The following LY75 variants were observed in gnomAD, a reference collection of about 807,000 sequenced individuals.
The protein encoded by LY75 is C-type lectin domain family 13 member B.
A neutral mutation model predicts 231.7 loss-of-function variants in LY75; 185 were observed. That is an observed-to-expected ratio of 0.80 (90% CI 0.71 to 0.90). LY75 has a LOEUF of 0.90. Ranked by LOEUF, LY75 falls within the 40% of genes least tolerant of loss-of-function variation. The pLI, the probability that LY75 is intolerant of heterozygous loss-of-function variation, is 0.00. For synonymous variants in LY75, 668 were observed against 689.0 expected, an observed-to-expected ratio of 0.97 and a Z score of 0.48; for missense variants, 1,947 against 2,050.2, an observed-to-expected ratio of 0.95 and a Z score of 0.97.
At chr2:159,821,531 G>C (rs890646829) in intron 28 of LY75, among the ~76,000 whole-genome samples, 1 of 150,868 alleles carries the variant, frequency 6.6e-6, no homozygotes, top group Non-Finnish European at 1.5e-5. Context: ...CTGGAGAACT[G>C]CTTGAACCTA....
chr2:159,872,352 AT>A, intron 13 of LY75, 98 bp downstream of exon 13: 40 of 1,468,648 alleles, frequency 2.7e-5, no homozygotes, highest in East Asian at 4.6e-5. Flanking sequence ...AAACATGTCC[AT>A]TTTTTTTCCA....
At position 159,804,819 on chromosome 2, in the gene LY75, C is replaced by G. The variant is rs1682747622; in HGVS notation, c.*225G>C. ...CATATTACTGTACAAACAATTTGGA[C>G]TTCAGTTCCAGCTTTGGAGTCCCCT... On this transcript the variant is annotated 3_prime_UTR_variant, in exon 35 of 35. Transcript: ENST00000263636. The G allele has an allele frequency of 5.4e-6, 2 of 369,474 alleles. No homozygotes were observed. Among genetic ancestry groups the G allele is most frequent in the Non-Finnish European group, 5.0e-6 (1 of 199,380 alleles). 22.9% of individuals were successfully genotyped at this position (369,474 alleles called of 1,614,324 possible).
At chr2:159,841,245 T>A (rs983904343) in intron 24 of LY75, among the ~76,000 whole-genome samples, 4 of 152,200 alleles carry the variant, frequency 2.6e-5, no homozygotes, top group Admixed American at 6.5e-5. Flanking sequence ...GTCATGTCGG[T>A]GCTAAATACC....
chr2:159,850,977 T>G (rs1467582183), intron 21 of LY75, among the ~76,000 whole-genome samples: 1 of 151,314 alleles, frequency 6.6e-6, no homozygotes, highest in African/African-American at 2.4e-5. Context: ...CACAGGGACA[T>G]TAAATAACTT....
chr2:159,875,908 C>T (rs1685253982), intron 11 of LY75, among the ~76,000 whole-genome samples: 1 of 152,136 alleles, frequency 6.6e-6, no homozygotes, highest in African/African-American at 2.4e-5. Flanking sequence ...AATGAAGTGA[C>T]TTGTTCAAGG....
At chr2:159,822,806 C>T (rs979204398) in intron 28 of LY75, among the ~76,000 whole-genome samples, 13 of 152,130 alleles carry the variant, frequency 8.5e-5, no homozygotes, top group African/African-American at 2.9e-4. Flanking sequence ...CTGCAGCCTC[C>T]GTGGGTGATA....
intron 14 of LY75, among the ~76,000 whole-genome samples, chr2:159,863,890 G>A (rs994030988): frequency 2.6e-5 from 4 of 152,102 alleles, no homozygotes; most frequent in Admixed American, 1.3e-4. Context: ...TATCTTTACT[G>A]TACCTTTTCT....
chr2:159,852,427 T>C (rs1684430603), intron 20 of LY75, 87 bp from the exon 21 acceptor site: 2 of 1,526,430 alleles, frequency 1.3e-6, no homozygotes, highest in East Asian at 2.3e-5. Context: ...TTTTTGTTTT[T>C]TTTTTTTTGA....
intron 11 of LY75, among the ~76,000 whole-genome samples, chr2:159,876,544 C>T (rs143833813): frequency 1.0e-3 from 157 of 152,190 alleles, no homozygotes; most frequent in African/African-American, 3.5e-3. Context: ...ACGGTGTGCC[C>T]ATGATAGACC....
Position 159,878,620 on chromosome 2 carries a change from C to G in LY75, c.1604+13G>C. The G allele has an allele frequency of 6.2e-7, 1 of 1,613,940 alleles. No individual in the cohort carries two copies. Among genetic ancestry groups the G allele is most frequent in the Non-Finnish European group, 8.5e-7 (1 of 1,179,930 alleles). ...TTGAAAGTTTATGAGTACAAGTTTA[C>G]TGATGGTCACACCTGCTAGTGATAG... On this transcript the variant is annotated intron_variant, in intron 10 of 34. Transcript: ENST00000263636.
At chr2:159,872,841 C>A (rs1685058643) in intron 12 of LY75, among the ~76,000 whole-genome samples, 1 of 152,134 alleles carries the variant, frequency 6.6e-6, no homozygotes, top group Non-Finnish European at 1.5e-5. Context: ...GGCTGGGGAA[C>A]TATTCCAACA....
intron 16 of LY75, among the ~76,000 whole-genome samples, chr2:159,856,898 C>T (rs1684563426): frequency 6.6e-6 from 1 of 152,128 alleles, no homozygotes; most frequent in African/African-American, 2.4e-5. Context: ...GGGTCTGCTC[C>T]ACTGCTCAAA....
chr2:159,827,267 AAAAC>A (rs1683500971), intron 28 of LY75, among the ~76,000 whole-genome samples: 2 of 152,222 alleles, frequency 1.3e-5, no homozygotes, highest in South Asian at 2.1e-4. Flanking sequence ...TTACAAGAAA[AAAAC>A]AAACAACCCC....
chr2:159,903,015 C>A (rs1390246964), intron 1 of LY75: 1 of 152,278 alleles, frequency 6.6e-6, no homozygotes, highest in East Asian at 1.9e-4. Context: ...TCTTGCCAAA[C>A]AATTGACCCA....
chr2:159,854,454 T>A lies in LY75; in HGVS notation c.2501A>T (p.Glu834Val). 1 of 1,613,664 alleles carries A rather than the reference T, an allele frequency of 6.2e-7. No individual in the cohort carries two copies. Among genetic ancestry groups the A allele is most frequent in the Non-Finnish European group, 8.5e-7 (1 of 1,179,690 alleles). Residue 834 changes from glutamate to valine, a missense_variant, in exon 18 of 35, where the codon GAA becomes GTA. By Grantham distance (121) the Glu-to-Val change is moderately radical (BLOSUM62 -2). Coordinates refer to ENST00000263636, the MANE Select transcript of LY75 (RefSeq NM_002349.4). ...WFVADLHLNY[E>V]EAVLYCASNH... ...GCTGGCACAGTACAGGACGGCTTCT[T>A]CATAGTTTAGGTGAAGATCAGCAAC... is the stretch of plus-strand genomic sequence containing the variant.
Position 159,850,469 on chromosome 2 carries a change from T to G in LY75, c.2884-2A>C, listed in dbSNP as rs1684350085. The stretch of plus-strand genomic sequence containing the variant: ...CACGGGTTTGATCTTTAGAAAACAC[T>G]GCAAACAAAGACATATGTGAAGCAT... On this transcript the variant is annotated splice_acceptor_variant, in intron 21 of 34. Transcript: ENST00000263636. LOFTEE classifies it high-confidence loss of function. 6.2e-7 allele frequency: 1 copy of G among 1,613,172 alleles called. No individual in the cohort carries two copies. Among genetic ancestry groups the G allele is most frequent in the Non-Finnish European group, 8.5e-7 (1 of 1,179,508 alleles).
chr2:159,881,015 A>G, intron 8 of LY75, 68 bp downstream of exon 8: 1 of 1,546,492 alleles, frequency 6.5e-7, no homozygotes, highest in Non-Finnish European at 8.7e-7. Flanking sequence ...CTTCCCAACC[A>G]AAGAAGTCTT....
At position 159,878,728 on chromosome 2, in the gene LY75, C is replaced by T; in HGVS notation, c.1516-7G>A. 1 of 1,613,616 alleles carries T rather than the reference C, an allele frequency of 6.2e-7. No individual in the cohort carries two copies. The highest frequency in any genetic ancestry group is 8.5e-7 in the Non-Finnish European group (1 of 1,179,784). ...CTCCATGTCTCTTCCAGCCCTAAGTCAGAGGAAAAATATTGTCAAACTCTT... is the reference window on the plus strand; with the variant it reads ...CTCCATGTCTCTTCCAGCCCTAAGTTAGAGGAAAAATATTGTCAAACTCTT... On this transcript the variant is annotated splice_polypyrimidine_tract_variant and splice_region_variant and intron_variant, in intron 9 of 34. Transcript: ENST00000263636.
At chr2:159,861,381 T>C (rs1048625350) in intron 14 of LY75, among the ~76,000 whole-genome samples, 1 of 152,172 alleles carries the variant, frequency 6.6e-6, no homozygotes, top group Admixed American at 6.5e-5. Context: ...CACTAATATA[T>C]CCTTATAATA....
Sources: gnomAD v4.1 joint callset for allele counts (sites outside exome capture counted in the v4.1 genomes callset) on GRCh38, gnomAD v4.1.1 for gene constraint, MANE v1.5 for transcripts, NCBI Gene and HGNC (gene_info 2026-07-23, HGNC 2026-07-21) for gene names.